CAB39L: variants seen among roughly 807,000 people sequenced by gnomAD.
The protein encoded by CAB39L is calcium binding protein 39 like, also known as calcium-binding protein 39-like.
In CAB39L, 23 loss-of-function variants were observed where a neutral mutation model predicts 39.1. The ratio of observed to expected loss-of-function variants is 0.59; its 90% CI spans 0.42 to 0.83. The LOEUF (loss-of-function observed/expected upper bound fraction) is 0.83, where lower values mean the gene tolerates loss of function less well. Among genes scored for constraint, CAB39L ranks in the 40% least tolerant of loss-of-function variants. The pLI is 0.00. For synonymous variants in CAB39L, 126 were observed against 137.2 expected, an observed-to-expected ratio of 0.92 and a Z score of 0.57; for missense variants, 366 against 391.9, an observed-to-expected ratio of 0.93 and a Z score of 0.56.
Position 49,392,361 on chromosome 13 carries a change from ACAGGCGG to A in CAB39L, c.-31-9427_-31-9421del, listed in dbSNP as rs1268461266. Among the ~76,000 whole-genome samples the A allele has an allele frequency of 3.5e-3, 491 of 141,878 alleles. 4 individuals carry two copies. The highest frequency in any genetic ancestry group is 0.014 in the African/African-American group (471 of 33,964). The allele number at this position is 141,878 out of a possible 152,430, so 93.1% of individuals were successfully genotyped here. On this transcript the variant is annotated intron_variant, in intron 3 of 10. Transcript: ENST00000409308. ...TCATTGCTTGAAAGGAAACAGAGGA[ACAGGCGG>A]TGGTTCACGCCTGTAATCCCAGCAC...
intron 3 of CAB39L, among the ~76,000 whole-genome samples, chr13:49,387,548 A>G (rs1956393051): frequency 6.6e-6 from 1 of 152,224 alleles, no homozygotes; most frequent in Non-Finnish European, 1.5e-5. Flanking sequence ...TAGTGGACTG[A>G]CAATGGCCCT....
intron 3 of CAB39L, among the ~76,000 whole-genome samples, chr13:49,383,992 T>C (rs1022162175): frequency 2.0e-5 from 3 of 152,204 alleles, no homozygotes; most frequent in Non-Finnish European, 4.4e-5. Context: ...GGAGTAGCTG[T>C]GGCGATTTCT....
intron 5 of CAB39L, among the ~76,000 whole-genome samples, chr13:49,375,031 G>A (rs1956017129): frequency 1.3e-5 from 2 of 151,974 alleles, no homozygotes; most frequent in South Asian, 4.2e-4. Context: ...AAAAAATCAA[G>A]GGTTATAACA....
At chr13:49,411,439 A>G (rs34445445) in intron 3 of CAB39L, among the ~76,000 whole-genome samples, 49,193 of 143,268 alleles carry the variant, frequency 0.34, 8,924 homozygotes, top group Middle Eastern at 0.42. Context: ...AAAATCCCCC[A>G]CCTCCCTCTT....
intron 3 of CAB39L, chr13:49,414,105 C>T (rs1957041268): frequency 6.6e-6 from 1 of 152,180 alleles, no homozygotes; most frequent in South Asian, 2.1e-4. Context: ...TTCTTCCAAA[C>T]AAATTCTGCA....
At chr13:49,433,201 A>G in intron 3 of CAB39L, 117 bp downstream of exon 3, 1 of 273,180 alleles carries the variant, frequency 3.7e-6, no homozygotes, top group South Asian at 3.6e-5. Context: ...CTGCTTTATA[A>G]CATTTAAATA....
intron 10 of CAB39L, among the ~76,000 whole-genome samples, chr13:49,327,285 G>C (rs1954532002): frequency 6.6e-6 from 1 of 151,878 alleles, no homozygotes; most frequent in Non-Finnish European, 1.5e-5. Context: ...TTGGCATTTG[G>C]CATTCCCATG....
At chr13:49,330,779 C>G (rs1207441016) in intron 10 of CAB39L, among the ~76,000 whole-genome samples, 1 of 150,690 alleles carries the variant, frequency 6.6e-6, no homozygotes, top group Non-Finnish European at 1.5e-5. Context: ...AGGTATCTAT[C>G]AGAAGATAAG....
chr13:49,352,981 A>G lies in CAB39L; in HGVS notation c.396-2069T>C, dbSNP rs186776653. Among the ~76,000 whole-genome samples, 224 of 152,370 alleles carry G rather than the reference A, an allele frequency of 1.5e-3. 3 individuals carry two copies. Among genetic ancestry groups the G allele is most frequent in the South Asian group, 8.3e-3 (40 of 4,828 alleles). Reference sequence around the variant, plus strand: ...AGAATAAAGATTCAATTGAGGAAATAGACTACTTTCCAATATCAAATTTAC... The same window carrying G: ...AGAATAAAGATTCAATTGAGGAAATGGACTACTTTCCAATATCAAATTTAC... On this transcript the variant is annotated intron_variant, in intron 6 of 10. Transcript: ENST00000409308.
chr13:49,311,634 C>T (rs1389403068), intron 10 of CAB39L, among the ~76,000 whole-genome samples: 1 of 152,100 alleles, frequency 6.6e-6, no homozygotes, highest in Non-Finnish European at 1.5e-5. Flanking sequence ...ATGATCCTGA[C>T]CCTGTGTAGG....
chr13:49,385,652 G>T (rs1357099689), intron 3 of CAB39L, among the ~76,000 whole-genome samples: 1 of 152,106 alleles, frequency 6.6e-6, no homozygotes, highest in Non-Finnish European at 1.5e-5. Flanking sequence ...ACACGTAGAG[G>T]CCACTTATAG....
At chr13:49,325,278 C>G (rs537488377) in intron 10 of CAB39L, among the ~76,000 whole-genome samples, 2 of 152,096 alleles carry the variant, frequency 1.3e-5, no homozygotes, top group Non-Finnish European at 2.9e-5. Flanking sequence ...AATGAGGACA[C>G]GATAAAGCTG....
chr13:49,358,486 T>C (rs1382148145), intron 6 of CAB39L, among the ~76,000 whole-genome samples: 1 of 152,114 alleles, frequency 6.6e-6, no homozygotes, highest in Non-Finnish European at 1.5e-5. Flanking sequence ...CAGAGGTAAA[T>C]ATATGATGAA....
chr13:49,406,718 T>C (rs1428673806), intron 3 of CAB39L, among the ~76,000 whole-genome samples: 1 of 152,208 alleles, frequency 6.6e-6, no homozygotes, highest in African/African-American at 2.4e-5. Context: ...AATTCTAATC[T>C]ATCATTACAG....
At chr13:49,438,328 A>T (rs548157258) in intron 1 of CAB39L, among the ~76,000 whole-genome samples, 1 of 152,260 alleles carries the variant, frequency 6.6e-6, no homozygotes, top group Non-Finnish European at 1.5e-5. Context: ...AGACCATGTA[A>T]TATTTATATA....
In CAB39L at chr13:49,359,420, G is replaced by C. The variant is rs1955571046; in HGVS notation, c.395+294C>G. ...AAGGGTAAGTGGGCAGCTAGGAATA[G>C]GGCAGATAGGGAAGCATAAGCAATA... On this transcript the variant is annotated intron_variant, in intron 6 of 10. Transcript: ENST00000409308. Among the ~76,000 whole-genome samples, 5 of 152,098 alleles carry C rather than the reference G, an allele frequency of 3.3e-5. No individual in the cohort carries two copies. In the South Asian group the frequency reaches 1.0e-3, roughly 32 times the overall value.
chr13:49,361,078 C>T (rs948609680), intron 5 of CAB39L, among the ~76,000 whole-genome samples: 1 of 152,208 alleles, frequency 6.6e-6, no homozygotes, highest in African/African-American at 2.4e-5. Context: ...ACTGTCTCCA[C>T]TTCAAAGCAT....
chr13:49,381,168 T>G (rs1956245915), intron 4 of CAB39L, among the ~76,000 whole-genome samples: 2 of 152,202 alleles, frequency 1.3e-5, no homozygotes. Context: ...CCTTAGGTGA[T>G]CTGCCCACCT....
intron 1 of CAB39L, among the ~76,000 whole-genome samples, chr13:49,443,552 A>G (rs1957585107): frequency 6.6e-6 from 1 of 152,142 alleles, no homozygotes; most frequent in South Asian, 2.1e-4. Context: ...CCCTTCCACT[A>G]CTAGCTTTGC....
Sources: gnomAD v4.1 joint callset for allele counts (sites outside exome capture counted in the v4.1 genomes callset) on GRCh38, gnomAD v4.1.1 for gene constraint, MANE v1.5 for transcripts, NCBI Gene and HGNC (gene_info 2026-07-23, HGNC 2026-07-21) for gene names.